Variants in NUDCD3 observed in about 807,000 individuals in gnomAD.
The protein encoded by NUDCD3 is NudC domain containing 3, also known as nudC domain-containing protein 3.
In NUDCD3, 13 loss-of-function variants were observed where a neutral mutation model predicts 39.7. The observed-to-expected ratio is 0.33, with a 90% CI of 0.21 to 0.52. The LOEUF (loss-of-function observed/expected upper bound fraction) is 0.52, where lower values mean the gene tolerates loss of function less well. Ranked by LOEUF, NUDCD3 falls within the 20% of genes least tolerant of loss-of-function variation. The pLI, the probability that NUDCD3 is intolerant of heterozygous loss-of-function variation, is 0.96. For missense variants in NUDCD3, 453 were observed against 458.1 expected (o/e 0.99, Z 0.10); for synonymous variants, 175 against 172.4 (o/e 1.02, Z -0.12).
Position 44,413,858 on chromosome 7 carries a change from G to C in NUDCD3, c.643-9275C>G, listed in dbSNP as rs150938330. 3.0e-4 allele frequency among the ~76,000 whole-genome samples: 46 copies of C among 152,254 alleles called. No individual in the cohort carries two copies. In the East Asian group the frequency reaches 8.7e-3, roughly 29 times the overall value. ...GCTTGTGCCCAGGAGTACAAGACCAGCTTCTTGAGCAACAAAGGAAAACCC... is the reference window on the plus strand; with the variant it reads ...GCTTGTGCCCAGGAGTACAAGACCACCTTCTTGAGCAACAAAGGAAAACCC... On this transcript the variant is annotated intron_variant, in intron 3 of 5. Transcript: ENST00000355451.
chr7:44,483,875 G>C (rs973762790), intron 2 of NUDCD3, among the ~76,000 whole-genome samples: 1 of 152,190 alleles, frequency 6.6e-6, no homozygotes, highest in African/African-American at 2.4e-5. Flanking sequence ...AGATGTGGTG[G>C]TGCATGCCTA....
At chr7:44,454,332 C>G (rs939809674) in intron 2 of NUDCD3, among the ~76,000 whole-genome samples, 1 of 151,692 alleles carries the variant, frequency 6.6e-6, no homozygotes, top group Non-Finnish European at 1.5e-5. Flanking sequence ...GAGTGAGACT[C>G]TGTCTCAAAA....
chr7:44,386,732 A>G (rs940327150), intron 5 of NUDCD3, among the ~76,000 whole-genome samples: 5 of 152,234 alleles, frequency 3.3e-5, no homozygotes, highest in African/African-American at 1.2e-4. Flanking sequence ...TTGCAGATGC[A>G]GTCAGAGCTG....
At chr7:44,425,071 T>C (rs1220137940) in intron 3 of NUDCD3, among the ~76,000 whole-genome samples, 1 of 152,026 alleles carries the variant, frequency 6.6e-6, no homozygotes, top group African/African-American at 2.4e-5. Context: ...ATGTTCTCAC[T>C]CATAAGTGAG....
chr7:44,404,385 T>C, intron 4 of NUDCD3, 55 bp downstream of exon 4: 1 of 1,565,740 alleles, frequency 6.4e-7, no homozygotes, highest in Non-Finnish European at 8.8e-7. Context: ...AAAAGGGGCA[T>C]CACTGCAGGT....
At chr7:44,402,823 G>T in intron 4 of NUDCD3, 1 of 385,430 alleles carries the variant, frequency 2.6e-6, no homozygotes, top group African/African-American at 2.1e-5. Context: ...GTGTAATACA[G>T]GCGGCCAGGG....
intron 4 of NUDCD3, among the ~76,000 whole-genome samples, chr7:44,398,205 T>A (rs1334269802): frequency 1.3e-5 from 2 of 152,152 alleles, no homozygotes; most frequent in Non-Finnish European, 2.9e-5. Context: ...CTTGCCCTAG[T>A]CCCTCCACAC....
intron 2 of NUDCD3, chr7:44,468,404 ATTTG>A (rs1173878717): frequency 1.8e-5 from 18 of 977,376 alleles, no homozygotes; most frequent in Admixed American, 5.5e-5. Flanking sequence ...AGACGAAAGA[ATTTG>A]TTTGTTCAAT....
At chr7:44,456,137 C>T (rs1799895659) in intron 2 of NUDCD3, among the ~76,000 whole-genome samples, 1 of 149,606 alleles carries the variant, frequency 6.7e-6, no homozygotes, top group African/African-American at 2.5e-5. Flanking sequence ...GAAAAAAAAC[C>T]TCAACACTAG....
chr7:44,393,668 T>C (rs533240898), intron 4 of NUDCD3, among the ~76,000 whole-genome samples: 1 of 152,300 alleles, frequency 6.6e-6, no homozygotes, highest in African/African-American at 2.4e-5. Flanking sequence ...AAGAGGTACA[T>C]TCACATGCCC....
At chr7:44,455,564 T>C (rs940815846) in intron 2 of NUDCD3, among the ~76,000 whole-genome samples, 1 of 152,156 alleles carries the variant, frequency 6.6e-6, no homozygotes, top group Non-Finnish European at 1.5e-5. Context: ...TGTGTGTACA[T>C]ATGTGTGACA....
chr7:44,403,940 C>G (rs1798770714), intron 4 of NUDCD3, among the ~76,000 whole-genome samples: 1 of 152,184 alleles, frequency 6.6e-6, no homozygotes, highest in Non-Finnish European at 1.5e-5. Flanking sequence ...GGAGAAGGAG[C>G]TGAGCCACCA....
At chr7:44,399,233 G>A (rs1676332606) in intron 4 of NUDCD3, among the ~76,000 whole-genome samples, 1 of 152,168 alleles carries the variant, frequency 6.6e-6, no homozygotes, top group Non-Finnish European at 1.5e-5. Flanking sequence ...AGGTTTCCTT[G>A]GGCTACCGCC....
At chr7:44,467,186 T>C (rs184068201) in intron 2 of NUDCD3, among the ~76,000 whole-genome samples, 1 of 149,560 alleles carries the variant, frequency 6.7e-6, no homozygotes, top group African/African-American at 2.6e-5. Flanking sequence ...TCAATAAAGA[T>C]AGAAAAGTTA....
At chr7:44,487,237 T>C (rs1563192651) in intron 1 of NUDCD3, among the ~76,000 whole-genome samples, 2 of 152,200 alleles carry the variant, frequency 1.3e-5, no homozygotes, top group East Asian at 3.9e-4. Flanking sequence ...ATCCAGGCTA[T>C]GCAAACTTTT....
chr7:44,382,700 A>G lies in NUDCD3; in HGVS notation c.*3311T>C, dbSNP rs1372593459. 6.6e-6 allele frequency: 1 copy of G among 152,276 alleles called. No homozygotes were observed. The highest frequency in any genetic ancestry group is 2.4e-5 in the African/African-American group (1 of 41,464). The allele number at this position is 152,276 out of a possible 1,614,324, so 9.4% of individuals were successfully genotyped here. On this transcript the variant is annotated 3_prime_UTR_variant, in exon 6 of 6. Coordinates refer to ENST00000355451, the MANE Select transcript of NUDCD3 (RefSeq NM_015332.4). ...GGACTGGCCAGGTTCTGTGCTGACA[A>G]CTTCGTGCTTTTCATCGACAAAGCG...
intron 2 of NUDCD3, among the ~76,000 whole-genome samples, chr7:44,447,890 C>T (rs1170906785): frequency 6.6e-6 from 1 of 152,170 alleles, no homozygotes; most frequent in Non-Finnish European, 1.5e-5. Flanking sequence ...GGATTGCACA[C>T]AGAATTGACC....
At chr7:44,390,702 T>C (rs1176000171) in intron 5 of NUDCD3, among the ~76,000 whole-genome samples, 1 of 152,202 alleles carries the variant, frequency 6.6e-6, no homozygotes, top group African/African-American at 2.4e-5. Context: ...ATGCTGAATA[T>C]GGGCACAGAG....
chr7:44,421,731 A>G (rs564482108), intron 3 of NUDCD3, among the ~76,000 whole-genome samples: 1 of 152,350 alleles, frequency 6.6e-6, no homozygotes, highest in East Asian at 1.9e-4. Context: ...GGGAGACTTT[A>G]ACACCCCACT....
Sources: allele counts gnomAD v4.1 joint callset (sites outside exome capture counted in the v4.1 genomes callset), GRCh38; gene constraint gnomAD v4.1.1; transcripts MANE v1.5; gene names NCBI Gene and HGNC (gene_info 2026-07-23, HGNC 2026-07-21).